Variants in EMG1 observed in about 807,000 individuals in gnomAD.
The protein encoded by EMG1 is EMG1 N1-specific pseudouridine methyltransferase, also known as ribosomal RNA small subunit methyltransferase NEP1.
A neutral mutation model predicts 26.9 loss-of-function variants in EMG1; 24 were observed. The ratio of observed to expected loss-of-function variants is 0.89; its 90% CI spans 0.65 to 1.26. The LOEUF (loss-of-function observed/expected upper bound fraction) is 1.26. Among genes scored for constraint, EMG1 ranks in the 50% most tolerant of loss-of-function variants. The probability of loss-of-function intolerance (pLI) is 0.00; values close to 1 mark genes in which losing one functional copy is unlikely to be tolerated. For missense variants in EMG1, 299 were observed against 307.6 expected, an observed-to-expected ratio of 0.97 and a Z score of 0.21; for synonymous variants, 140 against 112.6, an observed-to-expected ratio of 1.24 and a Z score of -1.54.
At chr12:6,982,366 A>C (rs1555154219), downstream of EMG1, among the ~76,000 whole-genome samples, 1 of 152,094 alleles carries the variant, frequency 6.6e-6, no homozygotes, top group African/African-American at 2.4e-5. Context: ...ACTCATTCTA[A>C]GTTGCTTTTC....
At chr12:6,990,555 AAATAAATAAATT>A (rs1451039645), downstream of EMG1, among the ~76,000 whole-genome samples, 563 of 146,056 alleles carry the variant, frequency 3.9e-3, 2 homozygotes, top group African/African-American at 0.012. Flanking sequence ...ATAAATAAAT[AAATAAATAAATT>A]GAGCACCCCA....
At position 6,977,138 on chromosome 12, in the gene EMG1, G is replaced by A. The variant is rs1946413052; in HGVS notation, c.*1329G>A. The A allele has an allele frequency of 3.2e-6, 5 of 1,565,366 alleles. No homozygotes were observed. Among genetic ancestry groups the A allele is most frequent in the Non-Finnish European group, 4.4e-6 (5 of 1,136,250 alleles). The stretch of plus-strand genomic sequence containing the variant: ...AGTTTAGCTGTATTAACTTACCAGG[G>A]AAATGGATTATTCCATCTTCTTTAA... On this transcript the variant is annotated 3_prime_UTR_variant, in exon 6 of 6. Coordinates refer to ENST00000599672, the MANE Select transcript of EMG1 (RefSeq NM_006331.8). This position sits in a 1 kb window ranked among gnomAD's most constrained non-coding sequence, Gnocchi z 4.5.
chr12:6,991,836 C>T (rs983070640), downstream of EMG1, among the ~76,000 whole-genome samples: 25 of 152,154 alleles, frequency 1.6e-4, no homozygotes, highest in Non-Finnish European at 1.6e-4. Context: ...TGACAACCAC[C>T]GTACTCTACC....
chr12:6,971,491 G>A (rs1322977207), intron 1 of EMG1, among the ~76,000 whole-genome samples: 6 of 152,106 alleles, frequency 3.9e-5, no homozygotes, highest in Non-Finnish European at 5.9e-5. Flanking sequence ...GGCCACGCTG[G>A]TCTCGAACTC....
Position 6,978,397 on chromosome 12 carries a change from G to A in EMG1, c.*2588G>A, listed in dbSNP as rs782287503. The A allele has an allele frequency of 3.1e-6, 5 of 1,613,916 alleles. No homozygotes were observed. Among genetic ancestry groups the A allele is most frequent in the African/African-American group, 1.3e-5 (1 of 74,974 alleles). On this transcript the variant is annotated 3_prime_UTR_variant, in exon 6 of 6. Coordinates refer to ENST00000599672, the MANE Select transcript of EMG1 (RefSeq NM_006331.8). ...ATGAGGCAATGGTGCCAGTGAAGCG[G>A]GGGTTTGTTTCAAAGAGCCACACCT...
intron 1 of EMG1, among the ~76,000 whole-genome samples, 188 bp downstream of exon 1, chr12:6,971,279 T>C (rs1946324187): frequency 6.7e-6 from 1 of 149,804 alleles, no homozygotes; most frequent in African/African-American, 2.5e-5. Context: ...TCTTTCTTTT[T>C]TTTTTTTTTT....
downstream of EMG1, chr12:6,981,498 G>A: frequency 8.3e-7 from 1 of 1,204,114 alleles, no homozygotes; most frequent in Non-Finnish European, 1.2e-6. Context: ...ATGAGGGAGA[G>A]GCTCCGCTCT....
downstream of EMG1, chr12:6,983,303 C>T: frequency 1.5e-6 from 1 of 673,840 alleles, no homozygotes; most frequent in Non-Finnish European, 2.7e-6. Context: ...CCTCTTCATA[C>T]AACCCTCTTT....
chr12:6,983,024 C>T (rs1555154343), downstream of EMG1: 4 of 588,820 alleles, frequency 6.8e-6, no homozygotes, highest in South Asian at 6.3e-5. Flanking sequence ...CTCTGTTGTC[C>T]AGACTTGAGT....
downstream of EMG1, chr12:6,982,982 T>G: frequency 1.5e-6 from 1 of 654,320 alleles, no homozygotes; most frequent in Non-Finnish European, 2.8e-6. Context: ...TTTCTTTTCT[T>G]TTTTTGTTTG....
intron 1 of EMG1, 101 bp downstream of exon 1, chr12:6,971,192 T>G (rs1378907276): frequency 1.0e-6 from 1 of 975,530 alleles, no homozygotes; most frequent in Middle Eastern, 2.5e-4. Context: ...CAGAGAGGGG[T>G]GAAAGATGCT....
At chr12:6,991,280 T>G (rs1946588526), downstream of EMG1, among the ~76,000 whole-genome samples, 1 of 152,214 alleles carries the variant, frequency 6.6e-6, no homozygotes, top group Non-Finnish European at 1.5e-5. Context: ...ATTTTGGATA[T>G]TCTTTAGCGC....
downstream of EMG1, chr12:6,983,007 C>A (rs1025813186): frequency 5.0e-6 from 3 of 602,804 alleles, no homozygotes; most frequent in African/African-American, 5.5e-5. Flanking sequence ...TTTAGAGATG[C>A]GACTTGCTCT....
Position 6,979,561 on chromosome 12 carries a change from C to A in EMG1, c.*3752C>A. The A allele has an allele frequency of 6.2e-7, 1 of 1,613,690 alleles. No homozygotes were observed. The highest frequency in any genetic ancestry group is 8.5e-7 in the Non-Finnish European group (1 of 1,179,628). On this transcript the variant is annotated 3_prime_UTR_variant, in exon 6 of 6. Coordinates refer to ENST00000599672, the MANE Select transcript of EMG1 (RefSeq NM_006331.8). ...GGTAGAAAAGGCCCAGACTCAGGCGCTTGAGAGCAGGAATGATGCTGGAAA... is the reference window on the plus strand; with the variant it reads ...GGTAGAAAAGGCCCAGACTCAGGCGATTGAGAGCAGGAATGATGCTGGAAA...
chr12:6,978,707 C>G lies in EMG1; in HGVS notation c.*2898C>G. On this transcript the variant is annotated 3_prime_UTR_variant, in exon 6 of 6. Coordinates refer to ENST00000599672, the MANE Select transcript of EMG1 (RefSeq NM_006331.8). ...GGGTGGTTCTTGAGGGAAGAAAGCA[C>G]AGTGCATTAGGGATATCACATGACT... The G allele has an allele frequency of 6.2e-7, 1 of 1,613,822 alleles. No homozygotes were observed. Among genetic ancestry groups the G allele is most frequent in the Admixed American group, 1.7e-5 (1 of 59,976 alleles).
At chr12:6,989,852 A>C (rs1465367974), downstream of EMG1, among the ~76,000 whole-genome samples, 2 of 152,172 alleles carry the variant, frequency 1.3e-5, no homozygotes, top group East Asian at 1.9e-4. Flanking sequence ...TCATCTGAAG[A>C]AACAGAAATG....
At chr12:6,986,506 C>T (rs889902306) in intron 6 of EMG1, among the ~76,000 whole-genome samples, 90 of 152,026 alleles carry the variant, frequency 5.9e-4, no homozygotes, top group African/African-American at 1.9e-3. Flanking sequence ...TATATGTGGC[C>T]GGGTGTGGTG....
At chr12:6,992,832 C>T (rs1946601515), downstream of EMG1, among the ~76,000 whole-genome samples, 1 of 152,192 alleles carries the variant, frequency 6.6e-6, no homozygotes, top group Non-Finnish European at 1.5e-5. Flanking sequence ...ACCACAGATG[C>T]TCAAGTCCCT....
In EMG1 at chr12:6,979,779, T is replaced by A. The variant is rs1337238312; in HGVS notation, c.*3970T>A. On this transcript the variant is annotated 3_prime_UTR_variant, in exon 6 of 6. Transcript: ENST00000599672. Reference sequence around the variant, plus strand: ...CTATGAGGAATGGGGACTGCAAACCTCTTAAGAGTTGTAGGAAAGTCAGGG... The same window carrying A: ...CTATGAGGAATGGGGACTGCAAACCACTTAAGAGTTGTAGGAAAGTCAGGG... 1 of 587,698 alleles carries A rather than the reference T, an allele frequency of 1.7e-6. No individual in the cohort carries two copies. Among genetic ancestry groups the A allele is most frequent in the Non-Finnish European group, 3.0e-6 (1 of 329,116 alleles). The allele number at this position is 587,698 out of a possible 1,614,324, so 36.4% of individuals were successfully genotyped here.
Sources: gnomAD v4.1 joint callset for allele counts (sites outside exome capture counted in the v4.1 genomes callset) on GRCh38, gnomAD v4.1.1 for gene constraint, Gnocchi (gnomAD v3.1) non-coding constraint, MANE v1.5 for transcripts, NCBI Gene and HGNC (gene_info 2026-07-23, HGNC 2026-07-21) for gene names.